DYNC2I1: variants seen among roughly 807,000 people sequenced by gnomAD.
The protein encoded by DYNC2I1 is cytoplasmic dynein 2 intermediate chain 1.
DYNC2I1 carries 89 observed loss-of-function variants against 133.4 expected under a neutral mutation model. The observed-to-expected ratio is 0.67, with a 90% CI of 0.56 to 0.80. The LOEUF (loss-of-function observed/expected upper bound fraction) is 0.80. Among genes scored for constraint, DYNC2I1 ranks in the 30% least tolerant of loss-of-function variants. DYNC2I1 has a pLI of 0.00. For missense variants in DYNC2I1, 1,291 were observed against 1,314.5 expected (o/e 0.98, Z 0.28); for synonymous variants, 504 against 484.3 (o/e 1.04, Z -0.54).
At chr7:158,891,005 A>G (rs1845159182) in intron 7 of DYNC2I1, among the ~76,000 whole-genome samples, 1 of 152,222 alleles carries the variant, frequency 6.6e-6, no homozygotes, top group African/African-American at 2.4e-5. Flanking sequence ...TCTCACTGCT[A>G]CTGTGAAGCA....
the DYNC2I1 span, among the ~76,000 whole-genome samples, chr7:158,844,850 A>C: frequency 6.6e-6 from 1 of 152,088 alleles, no homozygotes; most frequent in Admixed American, 6.6e-5. Flanking sequence ...CGAACTCCCG[A>C]CCTCAGGTGA....
intron 23 of DYNC2I1, among the ~76,000 whole-genome samples, chr7:158,936,859 T>C (rs1322886277): frequency 6.6e-6 from 1 of 152,198 alleles, no homozygotes. Context: ...GTGACACCTA[T>C]AGCTGAAAAG....
At chr7:158,921,286 G>A (rs370635278) in intron 15 of DYNC2I1, among the ~76,000 whole-genome samples, 120 of 152,302 alleles carry the variant, frequency 7.9e-4, no homozygotes, top group African/African-American at 2.8e-3. Context: ...TGAGCGGTGG[G>A]CACACCTGTG....
chr7:158,865,451 G>A (rs1842322294), intron 1 of DYNC2I1, among the ~76,000 whole-genome samples: 1 of 152,186 alleles, frequency 6.6e-6, no homozygotes, highest in Non-Finnish European at 1.5e-5. Flanking sequence ...AGCATAAATC[G>A]AGGGACAGAG....
rs775051995 is a variant in DYNC2I1 at position 158,887,102 on chromosome 7, T to C, written c.990+27T>C. The C allele has an allele frequency of 6.2e-6, 10 of 1,606,260 alleles. No individual in the cohort carries two copies. The South Asian group carries it at 9.9e-5, about 16-fold the overall frequency. ...TAAGGCAGTCTCCACTGAGAATACA[T>C]TGATTTTATGGTACATTGAGATTAA... On this transcript the variant is annotated intron_variant, in intron 7 of 24. Transcript: ENST00000407559.
At chr7:158,868,726 G>A (rs559377274) in intron 1 of DYNC2I1, among the ~76,000 whole-genome samples, 1 of 152,210 alleles carries the variant, frequency 6.6e-6, no homozygotes, top group African/African-American at 2.4e-5. Flanking sequence ...TTTCTCTGCC[G>A]ATCCTTGAGC....
rs955711078 is a variant in DYNC2I1, at chr7:158,945,587, G to A, written c.3009G>A (p.Val1003=). 6.2e-7 allele frequency: 1 copy of A among 1,604,282 alleles called. No homozygotes were observed. The highest frequency in any genetic ancestry group is 1.3e-5 in the African/African-American group (1 of 74,732). Residue 1003 remains valine, a synonymous_variant, in exon 25 of 25, where the codon GTG becomes GTA. Coordinates refer to ENST00000407559, the MANE Select transcript of DYNC2I1 (RefSeq NM_018051.5). This position sits in a 1 kb window ranked among gnomAD's most constrained non-coding sequence, Gnocchi z 4.1. ...AKQQVSPNRL[V]AMAAVGEPEK... is the part of the protein sequence containing the mutation. Reference sequence around the variant, plus strand: ...TCTGCCCCTCTCCCTGCAGGCTGGTGGCCATGGCTGCGGTGGGTGAGCCTG... The same window carrying A: ...TCTGCCCCTCTCCCTGCAGGCTGGTAGCCATGGCTGCGGTGGGTGAGCCTG...
intron 3 of DYNC2I1, among the ~76,000 whole-genome samples, chr7:158,872,045 G>A (rs914395037): frequency 2.6e-5 from 4 of 152,150 alleles, no homozygotes; most frequent in African/African-American, 9.7e-5. Context: ...GCCAGGTGTG[G>A]TGGGTCATAC....
At chr7:158,893,706 C>A (rs528584979) in intron 8 of DYNC2I1, among the ~76,000 whole-genome samples, 1 of 151,602 alleles carries the variant, frequency 6.6e-6, no homozygotes, top group South Asian at 2.1e-4. Flanking sequence ...TACTGCATAT[C>A]GTACCACATA....
chr7:158,923,858 G>GGA (rs1248661788), intron 17 of DYNC2I1, 125 bp downstream of exon 17: 4 of 1,176,996 alleles, frequency 3.4e-6, no homozygotes, highest in Non-Finnish European at 4.7e-6. Flanking sequence ...TCTGACCCAT[G>GGA]GGCAAAAGAG....
rs151184533 is a variant in DYNC2I1, at chr7:158,926,280, C to T, written c.2351C>T (p.Ser784Leu). The change falls in exon 18 of 25, where the codon TCA (serine) becomes TTA (leucine). Residue 784 changes from serine to leucine, a missense_variant. Physicochemically the swap from Ser to Leu is moderately radical, Grantham distance 145. Coordinates refer to ENST00000407559, the MANE Select transcript of DYNC2I1 (RefSeq NM_018051.5). ...CACAAAAAGCAGAGCTTTGTGCTTT[C>T]ACCCTTTTCTACTCAAGAAGGTACG... The part of the protein sequence containing the change: ...SVHKKQSFVL[S>L]PFSTQEEMSG... 1.9e-4 allele frequency: 303 copies of T among 1,612,590 alleles called. 2 individuals carry two copies. In the African/African-American group the frequency reaches 3.7e-3, roughly 20 times the overall value.
chr7:158,907,013 T>A (rs1846887913), intron 11 of DYNC2I1, among the ~76,000 whole-genome samples: 1 of 151,494 alleles, frequency 6.6e-6, no homozygotes, highest in African/African-American at 2.4e-5. Flanking sequence ...TCCTGGGGAG[T>A]GCTTAGGTGG....
At chr7:158,883,381 TA>T (rs1417937979) in intron 5 of DYNC2I1, among the ~76,000 whole-genome samples, 2 of 139,796 alleles carry the variant, frequency 1.4e-5, no homozygotes, top group African/African-American at 2.6e-5. Flanking sequence ...GGCTTATTAT[TA>T]TTTTTTTTTT....
the DYNC2I1 span, among the ~76,000 whole-genome samples, chr7:158,841,493 G>A: frequency 6.6e-5 from 10 of 152,102 alleles, no homozygotes; most frequent in African/African-American, 1.4e-4. Context: ...GATTACAGGC[G>A]TAAGCCACCA....
chr7:158,945,966 A>G lies in DYNC2I1; in HGVS notation c.*187A>G, dbSNP rs555173748. The stretch of plus-strand genomic sequence containing the variant: ...TAGATGACTACTTTTGAGTGGAAAC[A>G]AAGAACATTCTAGCATTTACAAAAC... On this transcript the variant is annotated 3_prime_UTR_variant, in exon 25 of 25. Transcript: ENST00000407559. The surrounding 1 kb of genome is among the most constrained non-coding windows in gnomAD (Gnocchi z 4.1). The G allele has an allele frequency of 9.0e-5, 52 of 575,158 alleles. No individual in the cohort carries two copies. Among genetic ancestry groups the G allele is most frequent in the Non-Finnish European group, 1.2e-4 (47 of 378,032 alleles). 35.6% of individuals were successfully genotyped at this position (575,158 alleles called of 1,614,324 possible).
chr7:158,914,014 T>G (rs1489825752), intron 13 of DYNC2I1, among the ~76,000 whole-genome samples: 1 of 152,218 alleles, frequency 6.6e-6, no homozygotes, highest in Admixed American at 6.5e-5. Flanking sequence ...CTGGCCTGAA[T>G]GTTTTTCTAA....
chr7:158,867,192 AGGGTTGTG>A (rs1481596572), intron 1 of DYNC2I1, among the ~76,000 whole-genome samples: 2 of 151,970 alleles, frequency 1.3e-5, no homozygotes, highest in African/African-American at 4.8e-5. Flanking sequence ...CTGTTGTACC[AGGGTTGTG>A]GGGTTGTAGG....
At chr7:158,948,946 C>T (rs927248584), downstream of DYNC2I1, among the ~76,000 whole-genome samples, 5 of 152,352 alleles carry the variant, frequency 3.3e-5, no homozygotes, top group East Asian at 1.9e-4. Context: ...AGAGGAGACA[C>T]GGCCCTCCTA....
At chr7:158,869,762 C>A in intron 1 of DYNC2I1, 93 bp from the exon 2 acceptor site, 2 of 889,716 alleles carry the variant, frequency 2.2e-6, no homozygotes, top group South Asian at 1.7e-5. Context: ...GAATTAACTG[C>A]CATTGATTTA....
Sources: gnomAD v4.1 joint callset for allele counts (sites outside exome capture counted in the v4.1 genomes callset) on GRCh38, gnomAD v4.1.1 for gene constraint, Gnocchi (gnomAD v3.1) non-coding constraint, MANE v1.5 for transcripts, NCBI Gene and HGNC (gene_info 2026-07-23, HGNC 2026-07-21) for gene names.